Variants in TRPS1 observed in about 807,000 individuals in gnomAD.
TRPS1 encodes the protein zinc finger transcription factor Trps1.
Under a neutral mutation model 101.2 loss-of-function variants are expected in TRPS1, and 6 were observed. The observed-to-expected ratio is 0.06, with a 90% CI of 0.03 to 0.12. TRPS1 has a LOEUF of 0.12. Ranked by LOEUF, TRPS1 falls within the 10% of genes least tolerant of loss-of-function variation. The pLI is 1.00. For synonymous variants in TRPS1, 578 were observed against 589.8 expected (o/e 0.98, Z 0.29); for missense variants, 1,363 against 1,567.0 (o/e 0.87, Z 2.20).
chr8:115,606,760 T>C (rs1212408053), intron 3 of TRPS1, among the ~76,000 whole-genome samples: 1 of 147,258 alleles, frequency 6.8e-6, no homozygotes. Context: ...TAAAAATCTC[T>C]ACATATATTT....
At chr8:115,459,252 A>C (rs1467619686) in intron 5 of TRPS1, among the ~76,000 whole-genome samples, 2 of 152,122 alleles carry the variant, frequency 1.3e-5, no homozygotes, top group Admixed American at 1.3e-4. Flanking sequence ...TGAACCCGGG[A>C]GGCGGAGCTT....
At chr8:115,608,033 G>C (rs1258990433) in intron 3 of TRPS1, among the ~76,000 whole-genome samples, 1 of 152,112 alleles carries the variant, frequency 6.6e-6, no homozygotes, top group Non-Finnish European at 1.5e-5. Flanking sequence ...AGTGTTTTCA[G>C]CAATGGTTTA....
chr8:115,642,221 GAAAAAA>G (rs1192863124), intron 1 of TRPS1, among the ~76,000 whole-genome samples: 3 of 22,310 alleles, frequency 1.3e-4, no homozygotes, highest in African/African-American at 6.0e-4. Flanking sequence ...CTCAAAAAAA[GAAAAAA>G]AAAAGAAAAG....
At chr8:115,579,340 T>C (rs970995511) in intron 5 of TRPS1, among the ~76,000 whole-genome samples, 1 of 152,152 alleles carries the variant, frequency 6.6e-6, no homozygotes, top group Admixed American at 6.5e-5. Context: ...ACAGGTATTC[T>C]TGTGTTACCC....
intron 5 of TRPS1, among the ~76,000 whole-genome samples, chr8:115,508,470 T>C (rs1269311436): frequency 3.9e-5 from 6 of 152,032 alleles, no homozygotes; most frequent in African/African-American, 1.4e-4. Flanking sequence ...TACAGTAAAT[T>C]TCTCTAATGC....
chr8:115,570,246 G>C (rs563933498), intron 5 of TRPS1, among the ~76,000 whole-genome samples: 1 of 151,960 alleles, frequency 6.6e-6, no homozygotes, highest in South Asian at 2.1e-4. Flanking sequence ...TACCCTAAAG[G>C]TTATTGGAAA....
At chr8:115,485,384 C>T (rs907513781) in intron 5 of TRPS1, among the ~76,000 whole-genome samples, 1 of 152,190 alleles carries the variant, frequency 6.6e-6, no homozygotes, top group African/African-American at 2.4e-5. Flanking sequence ...TCAATTTCAG[C>T]GTAGTGAGAC....
intron 5 of TRPS1, among the ~76,000 whole-genome samples, chr8:115,486,084 G>A (rs1291196539): frequency 6.6e-6 from 1 of 152,164 alleles, no homozygotes; most frequent in Admixed American, 6.5e-5. Flanking sequence ...CATCCTGCAA[G>A]TCTAAAGGAG....
Position 115,498,373 on chromosome 8 carries a change from G to GTCTCTCTCTCTCTCTC in TRPS1, c.2701-79937_2701-79922dup, listed in dbSNP as rs1271156488. On this transcript the variant is annotated intron_variant, in intron 5 of 6. Transcript: ENST00000395715. Reference sequence around the variant, plus strand: ...AGCCTGGGCAACAAAGAGAGAGCCCGTCTCTCTCTCTCTCTCTCTCTCTCT... The same window carrying GTCTCTCTCTCTCTCTC: ...AGCCTGGGCAACAAAGAGAGAGCCCGTCTCTCTCTCTCTCTCTCTCTCTCTCTCTCTCTCTCTCTCT... Among the ~76,000 whole-genome samples, 48 of 31,208 alleles carry GTCTCTCTCTCTCTCTC rather than the reference G, an allele frequency of 1.5e-3. 18 individuals are homozygous for GTCTCTCTCTCTCTCTC. The highest frequency in any genetic ancestry group is 8.0e-3 in the East Asian group (4 of 500). 20.5% of individuals were successfully genotyped at this position (31,208 alleles called of 152,430 possible).
chr8:115,571,374 A>AT (rs780699934), intron 5 of TRPS1, among the ~76,000 whole-genome samples: 1 of 152,098 alleles, frequency 6.6e-6, no homozygotes, highest in East Asian at 1.9e-4. Flanking sequence ...TAATAAGCAT[A>AT]TTTTTTTCTT....
At chr8:115,567,831 T>C (rs1437429584) in intron 5 of TRPS1, among the ~76,000 whole-genome samples, 5 of 152,086 alleles carry the variant, frequency 3.3e-5, no homozygotes, top group African/African-American at 9.7e-5. Context: ...CCTGCAGCTC[T>C]TTCAGGGCGT....
intron 5 of TRPS1, among the ~76,000 whole-genome samples, chr8:115,423,503 T>G (rs1813117630): frequency 6.6e-6 from 1 of 152,186 alleles, no homozygotes; most frequent in Non-Finnish European, 1.5e-5. Flanking sequence ...TCCAAATAGA[T>G]ATAGAAAATG....
At chr8:115,439,425 G>A (rs1813535102) in intron 5 of TRPS1, among the ~76,000 whole-genome samples, 1 of 152,124 alleles carries the variant, frequency 6.6e-6, no homozygotes, top group African/African-American at 2.4e-5. Flanking sequence ...TTTCAACCAG[G>A]CTGTAAGTTA....
chr8:115,667,121 G>A (rs1290569320), intron 1 of TRPS1, among the ~76,000 whole-genome samples: 1 of 152,150 alleles, frequency 6.6e-6, no homozygotes, highest in Non-Finnish European at 1.5e-5. Context: ...AAAAGATAGA[G>A]GGAAGTAAAG....
intron 5 of TRPS1, among the ~76,000 whole-genome samples, chr8:115,573,346 G>A (rs893975699): frequency 2.0e-5 from 3 of 152,130 alleles, no homozygotes; most frequent in Non-Finnish European, 4.4e-5. Context: ...CAAACAAAGA[G>A]TAAAGCCTTG....
Position 115,587,441 on chromosome 8 carries a change from T to G in TRPS1, c.2260A>C (p.Lys754Gln). 2.5e-6 allele frequency: 4 copies of G among 1,614,220 alleles called. No individual in the cohort carries two copies. Among genetic ancestry groups the G allele is most frequent in the East Asian group, 4.5e-5 (2 of 44,888 alleles). Residue 754 changes from lysine (K) to glutamine (Q), a missense_variant, in exon 5 of 7, where the codon AAA becomes CAA. By Grantham distance (53) the Lys-to-Gln change is moderately conservative. Around this residue, in one of 5 missense-constraint regions of TRPS1, gnomAD observed 1,020 missense variants for 1,073.0 expected, o/e 0.95. Transcript: ENST00000395715. Reference sequence around the variant, plus strand: ...AGATTGTAGACCCTGAAGTCAATTTTGGGCTCCTCTTTGATGGTGGATATG... The same window carrying G: ...AGATTGTAGACCCTGAAGTCAATTTGGGGCTCCTCTTTGATGGTGGATATG... ...HAISTIKEEP[K>Q]IDFRVYNLLT...
chr8:115,655,512 G>A (rs1322144192), intron 1 of TRPS1, among the ~76,000 whole-genome samples: 2 of 152,078 alleles, frequency 1.3e-5, no homozygotes, highest in Admixed American at 1.3e-4. Context: ...TGATTCCAGG[G>A]AGGTGATTTC....
intron 1 of TRPS1, among the ~76,000 whole-genome samples, chr8:115,636,953 C>G (rs539772960): frequency 3.3e-5 from 5 of 151,356 alleles, no homozygotes; most frequent in Admixed American, 3.3e-4. Flanking sequence ...AAAACACACA[C>G]AAAAAAGTAA....
At position 115,517,038 on chromosome 8, in the gene TRPS1, T is replaced by G. The variant is rs1227390017; in HGVS notation, c.2700+69963A>C. Among the ~76,000 whole-genome samples the G allele has an allele frequency of 2.6e-5, 4 of 151,592 alleles. No individual in the cohort carries two copies. In the East Asian group the frequency reaches 7.7e-4, roughly 29 times the overall value. ...TTTCCGGAGTCTTTGATATATACATTGCTAATGCAAGAAGTAATCTGGGGC... is the reference window on the plus strand; with the variant it reads ...TTTCCGGAGTCTTTGATATATACATGGCTAATGCAAGAAGTAATCTGGGGC... On this transcript the variant is annotated intron_variant, in intron 5 of 6. Transcript: ENST00000395715.
Sources: gnomAD v4.1 joint callset for allele counts (sites outside exome capture counted in the v4.1 genomes callset) on GRCh38, gnomAD v4.1.1 for gene constraint, gnomAD v4.1.1 regional missense constraint, MANE v1.5 for transcripts, NCBI Gene and HGNC (gene_info 2026-07-23, HGNC 2026-07-21) for gene names.